PHLDB2: variants seen among roughly 807,000 people sequenced by gnomAD.
PHLDB2 encodes the protein pleckstrin homology-like domain family B member 2.
Under a neutral mutation model 123.6 loss-of-function variants are expected in PHLDB2, and 71 were observed. That is an observed-to-expected ratio of 0.57 (90% CI 0.47 to 0.70). PHLDB2 has a LOEUF of 0.70. PHLDB2 is among the 30% of genes least tolerant of loss of function. The pLI is 0.00. For synonymous variants in PHLDB2, 547 were observed against 541.6 expected (o/e 1.01, Z -0.14); for missense variants, 1,446 against 1,519.5 (o/e 0.95, Z 0.80).
chr3:111,864,834 T>C (rs1432152195), intron 1 of PHLDB2, among the ~76,000 whole-genome samples: 1 of 152,252 alleles, frequency 6.6e-6, no homozygotes, highest in African/African-American at 2.4e-5. Flanking sequence ...TGTTTATCGA[T>C]GGCCTTAAGC....
upstream of PHLDB2, among the ~76,000 whole-genome samples, chr3:111,854,383 C>G (rs1220245092): frequency 6.6e-6 from 1 of 152,224 alleles, no homozygotes; most frequent in Non-Finnish European, 1.5e-5. Flanking sequence ...TGCCTTACTT[C>G]ACAGTCAATG....
intron 1 of PHLDB2, among the ~76,000 whole-genome samples, chr3:111,738,203 G>C (rs1309724140): frequency 6.6e-6 from 1 of 152,110 alleles, no homozygotes; most frequent in Non-Finnish European, 1.5e-5. Flanking sequence ...ATCTCATTTT[G>C]CTTTTCTTTG....
intron 5 of PHLDB2, among the ~76,000 whole-genome samples, chr3:111,931,451 G>A (rs767312142): frequency 3.2e-4 from 49 of 152,294 alleles, no homozygotes; most frequent in Non-Finnish European, 5.9e-4. Flanking sequence ...TCATTGGCAC[G>A]TGTGACTTGG....
rs1422673630 is a variant in PHLDB2 at position 111,885,306 on chromosome 3, G to A, written c.1229G>A (p.Arg410Gln). The stretch of plus-strand genomic sequence containing the variant: ...TCAGGAACCCCCCAGCCTGCCCTTC[G>A]GGAACGGAAAAGCAGTATTAGCTCC... ...QASGTPQPAL[R>Q]ERKSSISSIS... Residue 410 changes from arginine (R) to glutamine (Q), a missense_variant, in exon 2 of 18, where the codon CGG (arginine) becomes CAG (glutamine). Arg to Gln is a conservative substitution (Grantham distance 43, BLOSUM62 1). Around this residue, in one of 3 missense-constraint regions of PHLDB2, gnomAD observed 832 missense variants for 831.9 expected, o/e 1.00. Transcript: ENST00000431670. The A allele has an allele frequency of 2.5e-6, 4 of 1,614,132 alleles. No homozygotes were observed. The highest frequency in any genetic ancestry group is 3.4e-6 in the Non-Finnish European group (4 of 1,180,012).
intron 2 of PHLDB2, among the ~76,000 whole-genome samples, chr3:111,896,523 T>C (rs1450246271): frequency 6.6e-6 from 1 of 152,030 alleles, no homozygotes; most frequent in Non-Finnish European, 1.5e-5. Context: ...ATTTTTGTAT[T>C]TTTAGTAGAG....
chr3:111,763,129 A>G (rs2060022596), intron 1 of PHLDB2, among the ~76,000 whole-genome samples: 1 of 152,208 alleles, frequency 6.6e-6, no homozygotes, highest in Admixed American at 6.5e-5. Context: ...GAAAGTGAGT[A>G]TGTTAGGAAA....
chr3:111,971,072 C>T (rs80159618), intron 16 of PHLDB2, among the ~76,000 whole-genome samples: 2,841 of 152,222 alleles, frequency 0.019, 84 homozygotes, highest in African/African-American at 0.065. Flanking sequence ...GATGGCCTGC[C>T]GGTCCTAGGT....
chr3:111,884,267 C>G lies in PHLDB2; in HGVS notation c.190C>G (p.Gln64Glu). Residue 64 changes from glutamine to glutamate, a missense_variant, in exon 2 of 18, where the codon CAA becomes GAA. By Grantham distance (29) the Gln-to-Glu change is conservative. Transcript: ENST00000431670. ...DYSGSYLTLS[Q>E]PVPAKRSPSP... ...TTCTGGCTCCTATTTAACCCTCTCA[C>G]AACCTGTGCCTGCAAAGAGAAGCCC... 6.2e-7 allele frequency: 1 copy of G among 1,614,172 alleles called. No homozygotes were observed. The highest frequency in any genetic ancestry group is 1.1e-5 in the South Asian group (1 of 91,078).
At chr3:111,761,038 A>T (rs1304756681) in intron 1 of PHLDB2, among the ~76,000 whole-genome samples, 1 of 151,992 alleles carries the variant, frequency 6.6e-6, no homozygotes. Flanking sequence ...TACAAAAATT[A>T]TCTGCGCGTG....
intron 2 of PHLDB2, among the ~76,000 whole-genome samples, chr3:111,904,277 C>CAAA (rs3082325): frequency 1.2e-5 from 1 of 86,722 alleles, no homozygotes; most frequent in Non-Finnish European, 2.2e-5. Context: ...GACCCTGTCT[C>CAAA]AAAAAAAAAA....
chr3:111,940,911 T>G (rs1276763389), intron 8 of PHLDB2, among the ~76,000 whole-genome samples: 1 of 152,246 alleles, frequency 6.6e-6, no homozygotes, highest in South Asian at 2.1e-4. Context: ...TATTTTTAAA[T>G]GATTGTTTTC....
In PHLDB2 at chr3:111,884,477, C is replaced by G. The variant is rs147258966; in HGVS notation, c.400C>G (p.Arg134Gly). ...GRADFDHYTG[R>G]DSERALRLSE... Reference sequence around the variant, plus strand: ...AGCAGACTTTGATCATTATACTGGCCGGGACAGTGAAAGGGCCTTGAGGCT... The same window carrying G: ...AGCAGACTTTGATCATTATACTGGCGGGGACAGTGAAAGGGCCTTGAGGCT... Residue 134 changes from arginine (R) to glycine (G), a missense_variant, in exon 2 of 18, where the codon CGG becomes GGG. Transcript: ENST00000431670. The G allele has an allele frequency of 6.2e-7, 1 of 1,614,068 alleles. No homozygotes were observed. The highest frequency in any genetic ancestry group is 8.5e-7 in the Non-Finnish European group (1 of 1,179,976).
intron 13 of PHLDB2, among the ~76,000 whole-genome samples, chr3:111,963,860 C>T (rs1001737162): frequency 4.6e-5 from 7 of 152,130 alleles, no homozygotes; most frequent in Admixed American, 4.6e-4. Flanking sequence ...ATTAAGGATG[C>T]TTTATCAAAA....
intron 1 of PHLDB2, among the ~76,000 whole-genome samples, chr3:111,812,994 TTC>T (rs1352806198): frequency 6.6e-6 from 1 of 152,320 alleles, no homozygotes; most frequent in African/African-American, 2.4e-5. Context: ...TAGCTATCCT[TTC>T]TCAGACTAGA....
chr3:111,880,224 G>C (rs2065869498), intron 1 of PHLDB2, among the ~76,000 whole-genome samples: 1 of 151,988 alleles, frequency 6.6e-6, no homozygotes, highest in Admixed American at 6.6e-5. Context: ...CTCTACCATA[G>C]CATTGACAGT....
chr3:111,879,581 G>T (rs1356309525), intron 1 of PHLDB2, among the ~76,000 whole-genome samples: 1 of 152,054 alleles, frequency 6.6e-6, no homozygotes, highest in African/African-American at 2.4e-5. Flanking sequence ...GGAGAGGCAG[G>T]CACACTCGTG....
chr3:111,948,159 A>T (rs1240670290), intron 9 of PHLDB2, among the ~76,000 whole-genome samples: 1 of 152,162 alleles, frequency 6.6e-6, no homozygotes, highest in African/African-American at 2.4e-5. Flanking sequence ...AGTAACTGGA[A>T]ATTCTCTGTC....
intron 1 of PHLDB2, among the ~76,000 whole-genome samples, chr3:111,782,370 A>G (rs1170075345): frequency 8.5e-5 from 13 of 152,098 alleles, no homozygotes; most frequent in African/African-American, 2.9e-4. Context: ...GTTCCAAAAT[A>G]TAAAGCGAGG....
chr3:111,900,636 C>T lies in PHLDB2; in HGVS notation c.1336-12683C>T, dbSNP rs2067142116. Among the ~76,000 whole-genome samples, 4 of 152,092 alleles carry T rather than the reference C, an allele frequency of 2.6e-5. No homozygotes were observed. In the South Asian group the frequency reaches 8.3e-4, roughly 32 times the overall value. Reference sequence around the variant, plus strand: ...TGTCAAAGATCACTGATCAGATCATCATAACAGATATGATGATAATGAAAA... The same window carrying T: ...TGTCAAAGATCACTGATCAGATCATTATAACAGATATGATGATAATGAAAA... On this transcript the variant is annotated intron_variant, in intron 2 of 17. Coordinates refer to ENST00000431670, the MANE Select transcript of PHLDB2 (RefSeq NM_001134438.2).
Sources: allele counts gnomAD v4.1 joint callset (sites outside exome capture counted in the v4.1 genomes callset), GRCh38; gene constraint gnomAD v4.1.1; regional missense constraint gnomAD v4.1.1; transcripts MANE v1.5; gene names NCBI Gene and HGNC (gene_info 2026-07-23, HGNC 2026-07-21).